MNDA: variants seen among roughly 807,000 people sequenced by gnomAD.
The protein encoded by MNDA is myeloid cell nuclear differentiation antigen, also known as epididymis secretory sperm binding protein.
MNDA carries 43 observed loss-of-function variants against 37.8 expected under a neutral mutation model. The observed-to-expected ratio is 1.14, with a 90% confidence interval of 0.89 to 1.47. The LOEUF (loss-of-function observed/expected upper bound fraction) is 1.47, where lower values mean the gene tolerates loss of function less well. Among genes scored for constraint, MNDA ranks in the 40% most tolerant of loss-of-function variants. The probability of loss-of-function intolerance (pLI) is 0.00; values close to 1 mark genes in which losing one functional copy is unlikely to be tolerated. For missense variants in MNDA, 536 were observed against 476.0 expected (o/e 1.13, Z -1.17); for synonymous variants, 181 against 169.0 (o/e 1.07, Z -0.55).
chr1:158,843,405 C>T lies in MNDA; in HGVS notation c.392C>T (p.Pro131Leu). The change falls in exon 3 of 7, where the codon CCT becomes CTT. Residue 131 changes from proline (P) to leucine (L), a missense_variant. By Grantham distance (98) the Pro-to-Leu change is moderately conservative. Transcript: ENST00000368141. ...KLTSEARGRI[P>L]VAQKRKTPNK... is the part of the protein sequence containing the mutation. ...ACATCGGAAGCAAGAGGGAGGATTC[C>T]TGTAGCTCAGGTAAGCTTGAGAAAG... The T allele has an allele frequency of 6.2e-7, 1 of 1,608,104 alleles. No individual in the cohort carries two copies. Among genetic ancestry groups the T allele is most frequent in the African/African-American group, 1.3e-5 (1 of 74,632 alleles).
chr1:158,844,239 A>T (rs1659090560), intron 4 of MNDA, 117 bp downstream of exon 4: 1 of 1,086,204 alleles, frequency 9.2e-7, no homozygotes, highest in Non-Finnish European at 1.3e-6. Flanking sequence ...CTGTGGGAAA[A>T]CTGTTTTCCA....
chr1:158,849,472 G>A lies in MNDA; in HGVS notation c.*235G>A. ...CATTTTGCTTTTATGACATTCACGA[G>A]GCAAAAAATAAAATATCTTTTTTTG... On this transcript the variant is annotated 3_prime_UTR_variant, in exon 7 of 7. Transcript: ENST00000368141. 1 of 432,806 alleles carries A rather than the reference G, an allele frequency of 2.3e-6. No homozygotes were observed. The highest frequency in any genetic ancestry group is 4.2e-6 in the Non-Finnish European group (1 of 240,656). The allele number at this position is 432,806 out of a possible 1,614,324, so 26.8% of individuals were successfully genotyped here.
Position 158,845,924 on chromosome 1 carries a change from C to G in MNDA, c.908C>G (p.Ala303Gly). The change falls in exon 5 of 7, where the codon GCA (alanine) becomes GGA (glycine). Residue 303 changes from alanine (A) to glycine (G), a missense_variant. Coordinates refer to ENST00000368141, the MANE Select transcript of MNDA (RefSeq NM_002432.3). ...FEVPNRIIEI[A>G]NKTPKISQLY... ...GTCCCAAACAGAATTATCGAAATAG[C>G]AAATAAAACTCCCAAGATCAGTCAA... The G allele has an allele frequency of 1.2e-6, 2 of 1,614,058 alleles. No individual in the cohort carries two copies. Among genetic ancestry groups the G allele is most frequent in the Non-Finnish European group, 1.7e-6 (2 of 1,179,974 alleles).
Position 158,844,077 on chromosome 1 carries a change from A to C in MNDA, c.525A>C (p.Leu175=), listed in dbSNP as rs995091905. 1.9e-6 allele frequency: 3 copies of C among 1,607,246 alleles called. No homozygotes were observed. The Admixed American group carries it at 5.1e-5, about 27-fold the overall frequency. ...STSAAVDHPP[L]PQTSSSTPSN... is the part of the protein sequence containing the mutation. ...CTGCAGCTGTGGATCATCCCCCACT[A>C]CCCCAGACCTCATCATCAACTCCAT... The change falls in exon 4 of 7, where the codon CTA becomes CTC. Residue 175 remains leucine (L), a synonymous_variant. Coordinates refer to ENST00000368141, the MANE Select transcript of MNDA (RefSeq NM_002432.3).
At chr1:158,836,325 G>T (rs1001963614) in intron 1 of MNDA, among the ~76,000 whole-genome samples, 1 of 151,904 alleles carries the variant, frequency 6.6e-6, no homozygotes, top group Non-Finnish European at 1.5e-5. Context: ...TATATATTTG[G>T]TAGAATTTAC....
Position 158,845,692 on chromosome 1 carries a change from G to A in MNDA, c.676G>A (p.Glu226Lys), listed in dbSNP as rs1659119764. The A allele has an allele frequency of 3.1e-6, 5 of 1,614,008 alleles. No individual in the cohort carries two copies. The highest frequency in any genetic ancestry group is 2.5e-6 in the Non-Finnish European group (3 of 1,180,018). The change falls in exon 5 of 7, where the codon GAG (glutamate) becomes AAG (lysine). Residue 226 changes from glutamate (E) to lysine (K), a missense_variant. Transcript: ENST00000368141. ...VLKATAPFKY[E>K]SPENGKSTMF... ...GAAAGCAACAGCGCCATTTAAATAC[G>A]AGTCCCCAGAAAATGGGAAAAGCAC... is the stretch of plus-strand genomic sequence containing the variant.
chr1:158,833,191 C>T (rs1445287235), intron 1 of MNDA, among the ~76,000 whole-genome samples: 1 of 152,080 alleles, frequency 6.6e-6, no homozygotes, highest in East Asian at 1.9e-4. Context: ...ATCTTTCTTC[C>T]CTTTTGGCCT....
At chr1:158,847,135 A>T (rs1186457675) in intron 5 of MNDA, among the ~76,000 whole-genome samples, 1 of 152,216 alleles carries the variant, frequency 6.6e-6, no homozygotes, top group Non-Finnish European at 1.5e-5. Context: ...AGAGTGATCT[A>T]ATAAACTTTC....
Position 158,842,260 on chromosome 1 carries a change from C to T in MNDA, c.107C>T (p.Thr36Ile). ...TTACTGGCCTATGATTTAGGACTAA[C>T]TACAAAAATGCAAGAGGAATACAAC... ...KSLLAYDLGL[T>I]TKMQEEYNRI... is the part of the protein sequence containing the mutation. The change falls in exon 2 of 7, where the codon ACT becomes ATT. Residue 36 changes from threonine to isoleucine, a missense_variant. By Grantham distance (89) the Thr-to-Ile change is moderately conservative (BLOSUM62 -1). Transcript: ENST00000368141. The T allele has an allele frequency of 1.2e-6, 2 of 1,614,006 alleles. No individual in the cohort carries two copies. Among genetic ancestry groups the T allele is most frequent in the Non-Finnish European group, 1.7e-6 (2 of 1,179,958 alleles).
At chr1:158,840,068 G>A (rs1201018331) in intron 1 of MNDA, among the ~76,000 whole-genome samples, 3 of 152,072 alleles carry the variant, frequency 2.0e-5, no homozygotes, top group Admixed American at 6.5e-5. Flanking sequence ...TTTAGGGGGG[G>A]ATTTTAGAAA....
At chr1:158,844,502 CTG>C (rs1659094441) in intron 4 of MNDA, among the ~76,000 whole-genome samples, 1 of 147,840 alleles carries the variant, frequency 6.8e-6, no homozygotes, top group Non-Finnish European at 1.5e-5. Flanking sequence ...GGCCAGGACA[CTG>C]TGGAGAGAGG....
intron 1 of MNDA, among the ~76,000 whole-genome samples, chr1:158,838,058 A>G (rs1658958091): frequency 6.6e-6 from 1 of 151,980 alleles, no homozygotes; most frequent in Non-Finnish European, 1.5e-5. Flanking sequence ...ACCAATTAAC[A>G]TTGATTTATA....
At position 158,842,166 on chromosome 1, in the gene MNDA, T is replaced by A. The variant is rs1055167156; in HGVS notation, c.13T>A (p.Tyr5Asn). The part of the protein sequence containing the change: MVNE[Y>N]KKILLLKGFE... ...TATAACATCAGAAATGGTGAATGAA[T>A]ACAAGAAAATTCTTTTGCTGAAAGG... Residue 5 changes from tyrosine (Y) to asparagine (N), a missense_variant, in exon 2 of 7, where the codon TAC becomes AAC. By Grantham distance (143) the Tyr-to-Asn change is moderately radical. Transcript: ENST00000368141. The A allele has an allele frequency of 1.9e-6, 3 of 1,610,524 alleles. No individual in the cohort carries two copies. Among genetic ancestry groups the A allele is most frequent in the African/African-American group, 2.7e-5 (2 of 74,664 alleles).
At chr1:158,848,282 A>C (rs1202068167) in intron 6 of MNDA, among the ~76,000 whole-genome samples, 1 of 152,184 alleles carries the variant, frequency 6.6e-6, no homozygotes, top group East Asian at 1.9e-4. Flanking sequence ...AAATAATGGA[A>C]GTCTCCACTT....
intron 4 of MNDA, among the ~76,000 whole-genome samples, chr1:158,844,658 C>A (rs573004077): frequency 1.3e-5 from 2 of 151,950 alleles, no homozygotes; most frequent in African/African-American, 4.8e-5. Flanking sequence ...CAGGCCAAGT[C>A]TTTCCACTTG....
At chr1:158,843,476 T>A in intron 3 of MNDA, 61 bp downstream of exon 3, 2 of 1,470,914 alleles carry the variant, frequency 1.4e-6, no homozygotes, top group South Asian at 2.8e-5. Context: ...CTATGGCACG[T>A]GGCTCTTTAC....
chr1:158,849,228 T>A lies in MNDA; in HGVS notation c.1215T>A (p.Asn405Lys). 1 of 1,611,966 alleles carries A rather than the reference T, an allele frequency of 6.2e-7. No homozygotes were observed. Among genetic ancestry groups the A allele is most frequent in the East Asian group, 2.2e-5 (1 of 44,700 alleles). The change falls in exon 7 of 7, where the codon AAT (asparagine) becomes AAA (lysine). Residue 405 changes from asparagine to lysine, a missense_variant. Asn to Lys is a moderately conservative substitution (Grantham distance 94). Transcript: ENST00000368141. Reference protein sequence around the residue: ...KAKKNKEGPMNVN With the variant: ...KAKKNKEGPMKVN Reference sequence around the variant, plus strand: ...AGAAAAACAAGGAAGGACCAATGAATGTTAATTGAAATATGAAAGCTGAAA... The same window carrying A: ...AGAAAAACAAGGAAGGACCAATGAAAGTTAATTGAAATATGAAAGCTGAAA...
At position 158,844,026 on chromosome 1, in the gene MNDA, C is replaced by A. The variant is rs763674200; in HGVS notation, c.474C>A (p.Pro158=). ...RNKVSQEQSK[P]PGPSGASTSA... is the part of the protein sequence containing the mutation. Reference sequence around the variant, plus strand: ...AGGTGTCCCAAGAGCAGAGTAAGCCCCCAGGTCCCTCAGGAGCCAGCACAT... The same window carrying A: ...AGGTGTCCCAAGAGCAGAGTAAGCCACCAGGTCCCTCAGGAGCCAGCACAT... Residue 158 remains proline (P), a synonymous_variant, in exon 4 of 7, where the codon CCC becomes CCA. Coordinates refer to ENST00000368141, the MANE Select transcript of MNDA (RefSeq NM_002432.3). 2 of 1,613,774 alleles carry A rather than the reference C, an allele frequency of 1.2e-6. No individual in the cohort carries two copies. The highest frequency in any genetic ancestry group is 3.3e-5 in the Admixed American group (2 of 59,946).
At chr1:158,837,272 G>C (rs867321088) in intron 1 of MNDA, among the ~76,000 whole-genome samples, 6 of 151,646 alleles carry the variant, frequency 4.0e-5, no homozygotes, top group Non-Finnish European at 4.4e-5. Context: ...ATTTTCTTCT[G>C]TCAGATTGTT....
Sources: allele counts gnomAD v4.1 joint callset (sites outside exome capture counted in the v4.1 genomes callset), GRCh38; gene constraint gnomAD v4.1.1; transcripts MANE v1.5; gene names NCBI Gene and HGNC (gene_info 2026-07-23, HGNC 2026-07-21).